The following NECTIN3 variants were observed in gnomAD, a reference collection of about 807,000 sequenced individuals.
NECTIN3 encodes nectin-3.
A neutral mutation model predicts 49.4 loss-of-function variants in NECTIN3; 8 were observed. The ratio of observed to expected loss-of-function variants is 0.16; its 90% CI spans 0.10 to 0.29. NECTIN3 has a LOEUF of 0.29. NECTIN3 is among the 10% of genes least tolerant of loss of function. NECTIN3 has a pLI of 1.00. For missense variants in NECTIN3, 581 were observed against 654.6 expected (o/e 0.89, Z 1.23); for synonymous variants, 277 against 241.1 (o/e 1.15, Z -1.38).
At position 111,114,098 on chromosome 3, in the gene NECTIN3, T is replaced by C. The variant is rs374549244; in HGVS notation, c.502+1727T>C. Among the ~76,000 whole-genome samples the C allele has an allele frequency of 1.4e-4, 21 of 152,306 alleles. No homozygotes were observed. The East Asian group carries it at 3.9e-3, about 28-fold the overall frequency. ...AGTTTAGTAGTTCCCTCTCAATTAA[T>C]ACAATACTTATTGGCTTAAAATCCA... On this transcript the variant is annotated intron_variant, in intron 2 of 5. Coordinates refer to ENST00000485303, the MANE Select transcript of NECTIN3 (RefSeq NM_015480.3).
Position 111,072,584 on chromosome 3 carries a change from C to T in NECTIN3, c.160+407C>T, listed in dbSNP as rs561996702. The T allele has an allele frequency of 1.3e-4, 195 of 1,534,642 alleles. 3 individuals carry two copies. The South Asian group carries it at 2.0e-3, about 16-fold the overall frequency. The stretch of plus-strand genomic sequence containing the variant: ...AACTTGAGCTGTGAGCCCAGAAACC[C>T]TAGGGACCGGAGCCCGATGGAATGA... On this transcript the variant is annotated intron_variant, in intron 1 of 5. Transcript: ENST00000485303.
chr3:111,156,710 C>T (rs546725912), intron 7 of NECTIN3, among the ~76,000 whole-genome samples: 3 of 152,240 alleles, frequency 2.0e-5, no homozygotes, highest in East Asian at 3.9e-4. Context: ...TCCACAGTTA[C>T]CAAGCTACCA....
rs560729317 is a variant in NECTIN3 at position 111,143,338 on chromosome 3, C to A, written c.1001-1561C>A. Among the ~76,000 whole-genome samples the A allele has an allele frequency of 2.0e-5, 3 of 151,784 alleles. No homozygotes were observed. In the South Asian group the frequency reaches 6.2e-4, roughly 31 times the overall value. The stretch of plus-strand genomic sequence containing the variant: ...GAGTTATAATGTTTCAGAATCTATT[C>A]ATTGGAAACGTTATTGAAATGAGTG... On this transcript the variant is annotated intron_variant, in intron 5 of 8. Transcript: ENST00000493615.
chr3:111,147,436 T>G, exon 7 of NECTIN3: 1 of 1,533,560 alleles, frequency 6.5e-7, no homozygotes. Context: ...AACCACCTCC[T>G]CTGTATGAAG....
intron 5 of NECTIN3, among the ~76,000 whole-genome samples, chr3:111,129,030 A>G (rs536869963): frequency 2.0e-5 from 3 of 152,082 alleles, no homozygotes; most frequent in East Asian, 3.9e-4. Flanking sequence ...CATTTCTTAT[A>G]TGTTTTGCTC....
intron 6 of NECTIN3, among the ~76,000 whole-genome samples, chr3:111,147,204 C>T (rs2034893843): frequency 6.6e-6 from 1 of 152,130 alleles, no homozygotes; most frequent in Non-Finnish European, 1.5e-5. Flanking sequence ...CAACCTTTAA[C>T]ACCAATGTTT....
chr3:111,121,836 T>C lies in NECTIN3; in HGVS notation c.800-285T>C, dbSNP rs1464556642. ...TAATAGGATTCTTACATTTTGCTTT[T>C]GGTGATTATAGGTTTATGAATATTC... On this transcript the variant is annotated intron_variant, in intron 3 of 5. Transcript: ENST00000485303. Among the ~76,000 whole-genome samples the C allele has an allele frequency of 2.0e-5, 3 of 152,208 alleles. No individual in the cohort carries two copies. In the East Asian group the frequency reaches 5.8e-4, roughly 29 times the overall value.
At chr3:111,166,160 A>G (rs764921131) in intron 7 of NECTIN3, among the ~76,000 whole-genome samples, 8 of 152,206 alleles carry the variant, frequency 5.3e-5, no homozygotes, top group Non-Finnish European at 1.2e-4. Flanking sequence ...ACATGCTTCC[A>G]CAGTCACCAG....
intron 5 of NECTIN3, among the ~76,000 whole-genome samples, chr3:111,126,922 A>G (rs886745280): frequency 1.3e-5 from 2 of 152,146 alleles, no homozygotes; most frequent in African/African-American, 4.8e-5. Flanking sequence ...TTCACTTTGA[A>G]TATTTTTGTT....
chr3:111,083,857 T>TA (rs1476804471), intron 1 of NECTIN3, among the ~76,000 whole-genome samples: 1 of 152,230 alleles, frequency 6.6e-6, no homozygotes, highest in Non-Finnish European at 1.5e-5. Context: ...CGCTGGATGA[T>TA]ATAGCCTTGT....
chr3:111,156,977 ATCTTTT>A (rs1368728079), intron 7 of NECTIN3, among the ~76,000 whole-genome samples: 1 of 152,188 alleles, frequency 6.6e-6, no homozygotes, highest in Non-Finnish European at 1.5e-5. Flanking sequence ...TGGTAACTCC[ATCTTTT>A]TAAATACATA....
Position 111,135,286 on chromosome 3 carries a change from A to G in NECTIN3, c.*1071A>G, listed in dbSNP as rs755472630. The G allele has an allele frequency of 1.5e-4, 147 of 963,174 alleles. No homozygotes were observed. Among genetic ancestry groups the G allele is most frequent in the Non-Finnish European group, 1.7e-4 (140 of 810,246 alleles). 59.7% of individuals were successfully genotyped at this position (963,174 alleles called of 1,614,324 possible). ...CTAGATTATAGAATTAGTCGGTAAC[A>G]CTTGCTAATGGACATTGGCATTCAT... On this transcript the variant is annotated 3_prime_UTR_variant, in exon 6 of 6. Transcript: ENST00000485303.
rs548097989 is a variant in NECTIN3 at position 111,105,773 on chromosome 3, C to G, written c.161-6257C>G. Among the ~76,000 whole-genome samples the G allele has an allele frequency of 3.9e-5, 6 of 152,252 alleles. No individual in the cohort carries two copies. The South Asian group carries it at 8.3e-4, about 21-fold the overall frequency. Reference sequence around the variant, plus strand: ...GCCTAGCTCTATTTAGTTTCTCTGTCCTTGTGCTTCACTTCGTCTACTGCC... The same window carrying G: ...GCCTAGCTCTATTTAGTTTCTCTGTGCTTGTGCTTCACTTCGTCTACTGCC... On this transcript the variant is annotated intron_variant, in intron 1 of 5. Coordinates refer to ENST00000485303, the MANE Select transcript of NECTIN3 (RefSeq NM_015480.3).
chr3:111,150,463 AAATATGT>A (rs1421974055), intron 7 of NECTIN3, among the ~76,000 whole-genome samples: 2 of 151,956 alleles, frequency 1.3e-5, no homozygotes. Context: ...ATATATACAC[AAATATGT>A]ATATTTGTGT....
chr3:111,157,180 G>A (rs778215053), intron 7 of NECTIN3, among the ~76,000 whole-genome samples: 1 of 152,114 alleles, frequency 6.6e-6, no homozygotes, highest in East Asian at 1.9e-4. Context: ...TTTAGTTTCA[G>A]TCATTGATAC....
At chr3:111,094,305 T>A (rs2032460599) in intron 1 of NECTIN3, among the ~76,000 whole-genome samples, 1 of 152,204 alleles carries the variant, frequency 6.6e-6, no homozygotes, top group African/African-American at 2.4e-5. Flanking sequence ...GGCATAGTTT[T>A]AAAAATCATC....
At position 111,122,061 on chromosome 3, in the gene NECTIN3, T is replaced by G. The variant is rs927790400; in HGVS notation, c.800-60T>G. ...TGTCTATTATCTTAATATTTTATCA[T>G]GTATATTGCATTTATCATTAACAAA... On this transcript the variant is annotated intron_variant, in intron 3 of 5. Coordinates refer to ENST00000485303, the MANE Select transcript of NECTIN3 (RefSeq NM_015480.3). 3 of 1,104,752 alleles carry G rather than the reference T, an allele frequency of 2.7e-6. No individual in the cohort carries two copies. In the African/African-American group the frequency reaches 4.7e-5, roughly 17 times the overall value. The allele number at this position is 1,104,752 out of a possible 1,614,324, so 68.4% of individuals were successfully genotyped here. A position where few individuals can be genotyped will look rare whatever the true frequency, so the allele number is the denominator to read the frequency against.
intron 1 of NECTIN3, among the ~76,000 whole-genome samples, chr3:111,101,311 T>G (rs1409416432): frequency 1.3e-5 from 2 of 152,146 alleles, no homozygotes; most frequent in Non-Finnish European, 1.5e-5. Flanking sequence ...AAACCCCATT[T>G]TAGAAAGAAC....
intron 3 of NECTIN3, among the ~76,000 whole-genome samples, chr3:111,121,753 C>T (rs2033965279): frequency 6.6e-6 from 1 of 152,092 alleles, no homozygotes; most frequent in African/African-American, 2.4e-5. Flanking sequence ...AATACCATGT[C>T]TTATTTAATT....
Sources: gnomAD v4.1 joint callset for allele counts (sites outside exome capture counted in the v4.1 genomes callset) on GRCh38, gnomAD v4.1.1 for gene constraint, MANE v1.5 for transcripts, NCBI Gene and HGNC (gene_info 2026-07-23, HGNC 2026-07-21) for gene names.